The following SLC25A3 variants were observed in gnomAD, a reference collection of about 807,000 sequenced individuals.
SLC25A3 encodes phosphate transport protein.
A neutral mutation model predicts 37.1 loss-of-function variants in SLC25A3; 14 were observed. The observed-to-expected ratio is 0.38, with a 90% CI of 0.25 to 0.59. The LOEUF (loss-of-function observed/expected upper bound fraction) is 0.59, where lower values mean the gene tolerates loss of function less well. Ranked by LOEUF, SLC25A3 falls within the 20% of genes least tolerant of loss-of-function variation. The pLI is 0.67. For synonymous variants in SLC25A3, 161 were observed against 168.7 expected (o/e 0.95, Z 0.36); for missense variants, 385 against 458.1 (o/e 0.84, Z 1.46).
At position 98,595,847 on chromosome 12, in the gene SLC25A3, A is replaced by G. The variant is rs145057910; in HGVS notation, c.278A>G (p.Gln93Arg). The G allele has an allele frequency of 2.5e-6, 4 of 1,613,198 alleles. No homozygotes were observed. Among genetic ancestry groups the G allele is most frequent in the Non-Finnish European group, 3.4e-6 (4 of 1,179,232 alleles). ...CTGGATTTAGTGAAATGCCGTATGC[A>G]GGTTTGTATTGAGATGACAACATTG... ...VPLDLVKCRMQVDPQKYKGIF... is the reference protein window; with the variant it reads ...VPLDLVKCRMRVDPQKYKGIF... Residue 93 changes from glutamine to arginine, a missense_variant and splice_region_variant, in exon 3 of 8, where the codon CAG becomes CGG. Gln to Arg is a conservative substitution (Grantham distance 43). Coordinates refer to ENST00000552981, the MANE Select transcript of SLC25A3 (RefSeq NM_002635.4).
At chr12:98,596,595 CTT>C (rs1037488329) in intron 3 of SLC25A3, among the ~76,000 whole-genome samples, 1 of 145,164 alleles carries the variant, frequency 6.9e-6, no homozygotes, top group Admixed American at 6.9e-5. Flanking sequence ...AGTTTATGTG[CTT>C]TTTTTTTTTA....
chr12:98,598,594 G>T lies in SLC25A3; in HGVS notation c.532G>T (p.Ala178Ser). The T allele has an allele frequency of 1.2e-6, 2 of 1,613,926 alleles. No individual in the cohort carries two copies. The highest frequency in any genetic ancestry group is 1.7e-6 in the Non-Finnish European group (2 of 1,180,010). Reference sequence around the variant, plus strand: ...CAGTGCTGAATTCTTTGCTGACATTGCCCTGGCTCCTATGGAAGCTGCTAA... The same window carrying T: ...CAGTGCTGAATTCTTTGCTGACATTTCCCTGGCTCCTATGGAAGCTGCTAA... ...SASAEFFADI[A>S]LAPMEAAKVR... Residue 178 changes from alanine (A) to serine (S), a missense_variant, in exon 5 of 8, where the codon GCC becomes TCC. By Grantham distance (99) the Ala-to-Ser change is moderately conservative. Coordinates refer to ENST00000552981, the MANE Select transcript of SLC25A3 (RefSeq NM_002635.4).
chr12:98,601,470 G>A lies in SLC25A3; in HGVS notation c.1028G>A (p.Arg343His). The change falls in exon 8 of 8, where the codon CGC becomes CAC. Residue 343 changes from arginine to histidine, a missense_variant. Transcript: ENST00000552981. ...GTGAAGGTCTACTTCAGACTTCCTC[G>A]CCCTCCTCCACCCGAGATGCCAGAG... ...DSVKVYFRLP[R>H]PPPPEMPESL... 4 of 1,614,000 alleles carry A rather than the reference G, an allele frequency of 2.5e-6. No homozygotes were observed. Among genetic ancestry groups the A allele is most frequent in the Non-Finnish European group, 3.4e-6 (4 of 1,179,970 alleles).
intron 5 of SLC25A3, among the ~76,000 whole-genome samples, chr12:98,599,480 G>T (rs2097595877): frequency 6.6e-6 from 1 of 151,774 alleles, no homozygotes; most frequent in African/African-American, 2.4e-5. Context: ...CATGGTTTGA[G>T]CCCTGGACTG....
At chr12:98,596,110 C>T (rs2153283924) in intron 3 of SLC25A3, among the ~76,000 whole-genome samples, 1 of 152,288 alleles carries the variant, frequency 6.6e-6, no homozygotes, top group Non-Finnish European at 1.5e-5. Context: ...CGGAGTTCTT[C>T]AAGCTTACTA....
At position 98,598,635 on chromosome 12, in the gene SLC25A3, C is replaced by A. The variant is rs760718277; in HGVS notation, c.573C>A (p.Thr191=). The change falls in exon 5 of 8, where the codon ACC becomes ACA. Residue 191 remains threonine (T), a synonymous_variant. Transcript: ENST00000552981. ...AAGCTGCTAAGGTTCGAATTCAAAC[C>A]CAGCCAGGTTATGCCAACACTTTGA... The part of the protein sequence containing the change: ...PMEAAKVRIQ[T]QPGYANTLRD... 7 of 1,614,076 alleles carry A rather than the reference C, an allele frequency of 4.3e-6. No homozygotes were observed. The highest frequency in any genetic ancestry group is 5.1e-6 in the Non-Finnish European group (6 of 1,179,990).
intron 1 of SLC25A3, 75 bp downstream of exon 1, chr12:98,593,815 G>C: frequency 1.3e-6 from 1 of 745,794 alleles, no homozygotes; most frequent in South Asian, 1.6e-5. Flanking sequence ...CCGCTGCTTT[G>C]GCGGTGGGCC....
chr12:98,595,008 T>G (rs2239700), intron 2 of SLC25A3: 8,707 of 205,162 alleles, frequency 0.042, 350 homozygotes, highest in East Asian at 0.21. Context: ...GTATCCGTTT[T>G]TATGTTACAG....
rs1249404444 is a variant in SLC25A3, at chr12:98,601,690, T to TA, written c.*165dup. The TA allele has an allele frequency of 1.6e-6, 1 of 637,028 alleles. No individual in the cohort carries two copies. The highest frequency in any genetic ancestry group is 2.7e-5 in the East Asian group (1 of 36,500). 39.5% of individuals were successfully genotyped at this position (637,028 alleles called of 1,614,324 possible). On this transcript the variant is annotated 3_prime_UTR_variant, in exon 8 of 8. Transcript: ENST00000552981. ...AAGAGTTTCAGATTTACTGTTGAAATAAACCCAACTCTTCATGATTTGCCT... is the reference window on the plus strand; with the variant it reads ...AAGAGTTTCAGATTTACTGTTGAAATAAAACCCAACTCTTCATGATTTGCCT...
At chr12:98,594,976 AT>A (rs1334384808) in intron 2 of SLC25A3, 2 of 198,474 alleles carry the variant, frequency 1.0e-5, no homozygotes, top group Non-Finnish European at 2.1e-5. Context: ...TATTAAATGT[AT>A]TTGACTGCAG....
At chr12:98,601,323 T>G in intron 7 of SLC25A3, 42 bp downstream of exon 7, 1 of 1,614,152 alleles carries the variant, frequency 6.2e-7, no homozygotes, top group South Asian at 1.1e-5. Context: ...ACAACAGTTT[T>G]GGATATGTTG....
Position 98,606,178 on chromosome 12 carries a change from CAAAGT to C in SLC25A3, c.*4653_*4657del, listed in dbSNP as rs1312391524. The C allele has an allele frequency of 2.0e-5, 3 of 152,030 alleles. No individual in the cohort carries two copies. The highest frequency in any genetic ancestry group is 4.8e-5 in the African/African-American group (2 of 41,404). The allele number at this position is 152,030 out of a possible 1,614,324, so 9.4% of individuals were successfully genotyped here. ...TTGCATTACTGATGAGGAAAAATCT[CAAAGT>C]AATTGTAAAAAATCCTGGATATCAC... On this transcript the variant is annotated 3_prime_UTR_variant, in exon 8 of 8. Transcript: ENST00000552981.
In SLC25A3 at chr12:98,594,124, C is replaced by A. The variant is rs2097590927; in HGVS notation, c.146C>A (p.Ala49Asp). The change falls in exon 2 of 8, where the codon GCC becomes GAC. Residue 49 changes from alanine (A) to aspartate (D), a missense_variant. By Grantham distance (126) the Ala-to-Asp change is moderately radical. This residue lies in a region of SLC25A3 where 109 missense variants were observed against 90.5 expected (regional missense o/e 1.20). Transcript: ENST00000552981. The part of the protein sequence containing the change: ...QPRRPRNLAA[A>D]AVEEYSCEFG... ...CGCCGCCCTCGCAACCTGGCAGCCG[C>A]CGCCGTGGAAGGTGAGATCAGACCC... 4.3e-6 allele frequency: 7 copies of A among 1,610,768 alleles called. No individual in the cohort carries two copies. Among genetic ancestry groups the A allele is most frequent in the Non-Finnish European group, 5.9e-6 (7 of 1,178,796 alleles).
chr12:98,601,655 T>A lies in SLC25A3; in HGVS notation c.*127T>A, dbSNP rs902857848. On this transcript the variant is annotated 3_prime_UTR_variant, in exon 8 of 8. Coordinates refer to ENST00000552981, the MANE Select transcript of SLC25A3 (RefSeq NM_002635.4). Reference sequence around the variant, plus strand: ...CCTGATATAATTACTGTAGTACTCTTGCTTAAGGCAAGAGTTTCAGATTTA... The same window carrying A: ...CCTGATATAATTACTGTAGTACTCTAGCTTAAGGCAAGAGTTTCAGATTTA... 7.1e-6 allele frequency: 5 copies of A among 703,664 alleles called. No homozygotes were observed. In the African/African-American group the frequency reaches 8.8e-5, roughly 12 times the overall value. 43.6% of individuals were successfully genotyped at this position (703,664 alleles called of 1,614,324 possible).
chr12:98,593,735 T>G lies in SLC25A3; in HGVS notation c.-10T>G. ...GGGAGTGGTTGTGTGATCGCCATCT[T>G]AGGGAGTGAGTGTGGCCGGGCCTTC... On this transcript the variant is annotated 5_prime_UTR_variant, in exon 1 of 8. Transcript: ENST00000552981. 1.7e-6 allele frequency: 1 copy of G among 590,238 alleles called. No homozygotes were observed. The highest frequency in any genetic ancestry group is 3.0e-6 in the Non-Finnish European group (1 of 330,694). The allele number at this position is 590,238 out of a possible 1,614,324, so 36.6% of individuals were successfully genotyped here.
chr12:98,594,094 A>T lies in SLC25A3; in HGVS notation c.116A>T (p.Gln39Leu). ...AGCAGCTCCCCAGGGCCCACGGGCC[A>T]GCCCCGCCGCCCTCGCAACCTGGCA... ...LRSSSPGPTG[Q>L]PRRPRNLAAA... Residue 39 changes from glutamine to leucine, a missense_variant, in exon 2 of 8, where the codon CAG (glutamine) becomes CTG (leucine). Coordinates refer to ENST00000552981, the MANE Select transcript of SLC25A3 (RefSeq NM_002635.4). 6.2e-7 allele frequency: 1 copy of T among 1,611,644 alleles called. No homozygotes were observed. Among genetic ancestry groups the T allele is most frequent in the Non-Finnish European group, 8.5e-7 (1 of 1,179,312 alleles).
In SLC25A3 at chr12:98,602,719, A is replaced by G. The variant is rs73372788; in HGVS notation, c.*1191A>G. 6.6e-6 allele frequency: 1 copy of G among 152,372 alleles called. No individual in the cohort carries two copies. The highest frequency in any genetic ancestry group is 2.4e-5 in the African/African-American group (1 of 41,596). The allele number at this position is 152,372 out of a possible 1,614,324, so 9.4% of individuals were successfully genotyped here. On this transcript the variant is annotated 3_prime_UTR_variant, in exon 8 of 8. Coordinates refer to ENST00000552981, the MANE Select transcript of SLC25A3 (RefSeq NM_002635.4). Reference sequence around the variant, plus strand: ...TTGTAATGACAGCCCACCACTGGAAAAAAAACGAAAAACCTAGTGTAATAT... The same window carrying G: ...TTGTAATGACAGCCCACCACTGGAAGAAAAACGAAAAACCTAGTGTAATAT...
chr12:98,601,070 A>C, intron 6 of SLC25A3, 101 bp from the exon 7 acceptor site: 2 of 1,362,120 alleles, frequency 1.5e-6, no homozygotes, highest in South Asian at 2.6e-5. Context: ...TTTTTATTTT[A>C]GAACTAGAAA....
chr12:98,597,726 A>C, intron 3 of SLC25A3, 130 bp from the exon 4 acceptor site: 1 of 1,322,762 alleles, frequency 7.6e-7, no homozygotes, highest in South Asian at 1.4e-5. Context: ...GCCTGGCAGG[A>C]ATTACTGTAG....
Sources: gnomAD v4.1 joint callset for allele counts (sites outside exome capture counted in the v4.1 genomes callset) on GRCh38, gnomAD v4.1.1 for gene constraint, gnomAD v4.1.1 regional missense constraint, MANE v1.5 for transcripts, NCBI Gene and HGNC (gene_info 2026-07-23, HGNC 2026-07-21) for gene names.